SHISA9: variants seen among roughly 807,000 people sequenced by gnomAD.
The protein encoded by SHISA9 is protein shisa-9.
In SHISA9, 13 loss-of-function variants were observed where a neutral mutation model predicts 38.0. The ratio of observed to expected loss-of-function variants is 0.34; its 90% CI spans 0.22 to 0.54. The LOEUF (loss-of-function observed/expected upper bound fraction) is 0.54. Among genes scored for constraint, SHISA9 ranks in the 20% least tolerant of loss-of-function variants. The pLI, the probability that SHISA9 is intolerant of heterozygous loss-of-function variation, is 0.91. For missense variants in SHISA9, 538 were observed against 575.8 expected, an observed-to-expected ratio of 0.93 and a Z score of 0.67; for synonymous variants, 275 against 242.0, an observed-to-expected ratio of 1.14 and a Z score of -1.27.
At position 13,173,827 on chromosome 16, in the gene SHISA9, G is replaced by A. The variant is rs142099928; in HGVS notation, c.692-29567G>A. ...ATTCTAAGCCAGAGGAAGTTCACAG[G>A]GCTGTTAGAGGAGAGTGGTTGAGCA... On this transcript the variant is annotated intron_variant, in intron 2 of 4. Transcript: ENST00000558583. Among the ~76,000 whole-genome samples, 375 of 152,286 alleles carry A rather than the reference G, an allele frequency of 2.5e-3. 1 individual carries two copies. Among genetic ancestry groups the A allele is most frequent in the African/African-American group, 8.7e-3 (363 of 41,546 alleles).
the SHISA9 span, among the ~76,000 whole-genome samples, chr16:13,275,101 G>A: frequency 2.0e-5 from 3 of 152,116 alleles, no homozygotes; most frequent in Non-Finnish European, 4.4e-5. Context: ...AGCTACGTGA[G>A]ATTGGGTAAT....
chr16:13,465,815 G>A, the SHISA9 span, among the ~76,000 whole-genome samples: 1 of 152,212 alleles, frequency 6.6e-6, no homozygotes, highest in African/African-American at 2.4e-5. Context: ...GGCCAACTAT[G>A]GCCAATGGGT....
intron 2 of SHISA9, among the ~76,000 whole-genome samples, chr16:13,023,380 T>C (rs1285482695): frequency 6.6e-6 from 1 of 152,204 alleles, no homozygotes; most frequent in East Asian, 1.9e-4. Flanking sequence ...CAGTATTCCA[T>C]GGTGTATATG....
At chr16:12,934,279 T>C (rs904479273) in intron 2 of SHISA9, among the ~76,000 whole-genome samples, 23 of 152,350 alleles carry the variant, frequency 1.5e-4, no homozygotes, top group East Asian at 3.9e-4. Flanking sequence ...TTAGGTGTTT[T>C]ATACATGTCC....
the SHISA9 span, among the ~76,000 whole-genome samples, chr16:13,284,973 C>G: frequency 6.6e-6 from 1 of 152,088 alleles, no homozygotes; most frequent in Non-Finnish European, 1.5e-5. Flanking sequence ...CTTAACTTTC[C>G]CCTCACCCCA....
At chr16:13,287,944 A>T in the SHISA9 span, among the ~76,000 whole-genome samples, 1 of 152,052 alleles carries the variant, frequency 6.6e-6, no homozygotes, top group Admixed American at 6.6e-5. Flanking sequence ...CTAATGGGTG[A>T]ATACAGGTCC....
At chr16:13,281,733 G>C in the SHISA9 span, among the ~76,000 whole-genome samples, 1 of 151,056 alleles carries the variant, frequency 6.6e-6, no homozygotes, top group Non-Finnish European at 1.5e-5. Context: ...GAATCATATT[G>C]TACTTTTTTA....
intron 2 of SHISA9, among the ~76,000 whole-genome samples, chr16:13,177,589 CCTAA>C (rs1051859192): frequency 7.9e-5 from 12 of 151,876 alleles, no homozygotes; most frequent in African/African-American, 2.7e-4. Context: ...TACGATTTTC[CCTAA>C]CTGATACCTG....
the SHISA9 span, among the ~76,000 whole-genome samples, chr16:13,524,037 G>A: frequency 6.6e-6 from 1 of 152,108 alleles, no homozygotes; most frequent in Non-Finnish European, 1.5e-5. Flanking sequence ...TCGAGAAATG[G>A]TGAAGCTGGG....
chr16:13,060,637 CA>C (rs5815739), intron 2 of SHISA9, among the ~76,000 whole-genome samples: 53,703 of 86,516 alleles, frequency 0.62, 13,831 homozygotes, highest in Middle Eastern at 0.7. Context: ...GACCCCATCT[CA>C]AAAAAAAAAA....
intron 2 of SHISA9, among the ~76,000 whole-genome samples, chr16:12,981,179 C>A (rs913916013): frequency 1.3e-5 from 2 of 152,188 alleles, no homozygotes; most frequent in African/African-American, 4.8e-5. Context: ...CCCAAGTCAG[C>A]CCCAGTGAGT....
chr16:13,323,434 G>T, the SHISA9 span, among the ~76,000 whole-genome samples: 2 of 152,156 alleles, frequency 1.3e-5, no homozygotes, highest in Admixed American at 6.5e-5. Context: ...AATATAGTTT[G>T]GATGTTTGTC....
the SHISA9 span, among the ~76,000 whole-genome samples, chr16:13,534,458 C>G: frequency 6.6e-6 from 1 of 152,122 alleles, no homozygotes; most frequent in Non-Finnish European, 1.5e-5. Flanking sequence ...CTCCTGACCT[C>G]AGGTGATCCG....
chr16:13,242,619 T>C (rs2051443493), downstream of SHISA9, among the ~76,000 whole-genome samples: 1 of 152,228 alleles, frequency 6.6e-6, no homozygotes, highest in Non-Finnish European at 1.5e-5. Flanking sequence ...GTGGTATTTA[T>C]TGATTCCAAT....
chr16:13,541,856 G>A, the SHISA9 span, among the ~76,000 whole-genome samples: 10 of 152,204 alleles, frequency 6.6e-5, no homozygotes, highest in African/African-American at 2.2e-4. Flanking sequence ...GAGGATATTC[G>A]ACGTGAGGTC....
At chr16:13,211,323 AG>A (rs1005983327) in intron 3 of SHISA9, among the ~76,000 whole-genome samples, 6 of 144,008 alleles carry the variant, frequency 4.2e-5, no homozygotes, top group African/African-American at 1.8e-4. Flanking sequence ...GAAAAAAAAA[AG>A]AAAGTAAAAA....
intron 2 of SHISA9, among the ~76,000 whole-genome samples, chr16:13,182,311 T>C (rs1237332032): frequency 6.6e-6 from 1 of 152,176 alleles, no homozygotes; most frequent in African/African-American, 2.4e-5. Flanking sequence ...AGCCAAAAAC[T>C]CCAAGCCTGG....
At chr16:13,120,469 G>T (rs985966477) in intron 2 of SHISA9, among the ~76,000 whole-genome samples, 1 of 152,212 alleles carries the variant, frequency 6.6e-6, no homozygotes, top group Non-Finnish European at 1.5e-5. Context: ...GGTTTCCCAT[G>T]GTCGTATGTA....
At chr16:13,472,430 C>T in the SHISA9 span, among the ~76,000 whole-genome samples, 1 of 118,040 alleles carries the variant, frequency 8.5e-6, no homozygotes, top group African/African-American at 3.3e-5. Context: ...CTTGCCCTGT[C>T]GCCCAGGCTG....
Sources: gnomAD v4.1 joint callset for allele counts (sites outside exome capture counted in the v4.1 genomes callset) on GRCh38, gnomAD v4.1.1 for gene constraint, MANE v1.5 for transcripts, NCBI Gene and HGNC (gene_info 2026-07-23, HGNC 2026-07-21) for gene names.